GON4L: variants seen among roughly 807,000 people sequenced by gnomAD.
The protein encoded by GON4L is GON-4-like protein.
Under a neutral mutation model 211.8 loss-of-function variants are expected in GON4L, and 87 were observed. The ratio of observed to expected loss-of-function variants is 0.41; its 90% confidence interval spans 0.35 to 0.49. The LOEUF is 0.49. Ranked by LOEUF, GON4L falls within the 20% of genes least tolerant of loss-of-function variation. The pLI, the probability that GON4L is intolerant of heterozygous loss-of-function variation, is 0.15. For synonymous variants in GON4L, 875 were observed against 962.6 expected (o/e 0.91, Z 1.68); for missense variants, 2,155 against 2,659.5 (o/e 0.81, Z 4.17).
intron 11 of GON4L, among the ~76,000 whole-genome samples, chr1:155,804,401 A>G (rs779820427): frequency 1.8e-4 from 27 of 152,006 alleles, no homozygotes; most frequent in Non-Finnish European, 3.5e-4. Context: ...GACAACAACA[A>G]AACTACATGT....
At position 155,765,662 on chromosome 1, in the gene GON4L, G is replaced by A; in HGVS notation, c.3811C>T (p.Pro1271Ser). The change falls in exon 21 of 32, where the codon CCT becomes TCT. Residue 1271 changes from proline (P) to serine (S), a missense_variant. Physicochemically the swap from Pro to Ser is moderately conservative, Grantham distance 74. Coordinates refer to ENST00000368331, the MANE Select transcript of GON4L (RefSeq NM_001282860.2). ...TGGCACTCTGCATCTGCTAGTGGAG[G>A]CCCTGGGCTATGTTCCACTTTCGGG... ...VFPKVEHSPG[P>S]PLADAECQEG... 1.2e-6 allele frequency: 2 copies of A among 1,614,156 alleles called. No individual in the cohort carries two copies. The highest frequency in any genetic ancestry group is 1.7e-5 in the Admixed American group (1 of 60,016).
At chr1:155,783,932 T>C in intron 14 of GON4L, 54 bp downstream of exon 14, 4 of 1,608,784 alleles carry the variant, frequency 2.5e-6, no homozygotes, top group Non-Finnish European at 3.4e-6. Context: ...TGAAAACCTT[T>C]TCAGAAATAA....
At chr1:155,856,586 T>A (rs1184310247) in intron 1 of GON4L, among the ~76,000 whole-genome samples, 1 of 151,370 alleles carries the variant, frequency 6.6e-6, no homozygotes, top group African/African-American at 2.4e-5. Flanking sequence ...TTAGGGGAGA[T>A]TCTCCATCCC....
intron 23 of GON4L, among the ~76,000 whole-genome samples, chr1:155,761,646 C>T (rs554249322): frequency 3.0e-4 from 46 of 152,024 alleles, no homozygotes; most frequent in Middle Eastern, 3.4e-3. Context: ...CAGGCGCCCA[C>T]CACCACACCC....
At position 155,762,183 on chromosome 1, in the gene GON4L, T is replaced by C. The variant is rs778427152; in HGVS notation, c.4911+7A>G. 19 of 1,599,870 alleles carry C rather than the reference T, an allele frequency of 1.2e-5. No individual in the cohort carries two copies. Among genetic ancestry groups the C allele is most frequent in the Non-Finnish European group, 1.6e-5 (19 of 1,172,560 alleles). On this transcript the variant is annotated splice_region_variant and intron_variant, in intron 23 of 31. Transcript: ENST00000368331. ...ACTGGCAATAACAGGAAGCAGCATT[T>C]GCCTACCCTGGTCAGATAAGCTTGG...
chr1:155,762,999 G>A (rs1661998200), intron 22 of GON4L, among the ~76,000 whole-genome samples: 1 of 151,274 alleles, frequency 6.6e-6, no homozygotes, highest in African/African-American at 2.4e-5. Flanking sequence ...TCGCACCACT[G>A]CACTCCAGCC....
In GON4L at chr1:155,766,389, T is replaced by C. The variant is rs762667695; in HGVS notation, c.3084A>G (p.Ser1028=). ...GCACCATTTTGCTCGGAGGGGCTTC[T>C]GAATGAGTTGATCGGGCTGGTGTTT... ...PGKTPARSTH[S]EAPPSKMVLR... Residue 1028 remains serine (S), a synonymous_variant, in exon 21 of 32, where the codon TCA becomes TCG. Coordinates refer to ENST00000368331, the MANE Select transcript of GON4L (RefSeq NM_001282860.2). 1.2e-6 allele frequency: 2 copies of C among 1,614,174 alleles called. No individual in the cohort carries two copies. The highest frequency in any genetic ancestry group is 1.7e-5 in the Admixed American group (1 of 60,020).
At chr1:155,792,277 T>C (rs1181140206) in intron 12 of GON4L, among the ~76,000 whole-genome samples, 1 of 152,046 alleles carries the variant, frequency 6.6e-6, no homozygotes, top group Non-Finnish European at 1.5e-5. Flanking sequence ...TAAGGATAAG[T>C]CCTTTTAAAG....
chr1:155,776,078 A>G (rs1012035989), intron 16 of GON4L, among the ~76,000 whole-genome samples: 3 of 152,144 alleles, frequency 2.0e-5, no homozygotes, highest in African/African-American at 7.2e-5. Flanking sequence ...CACCGTGCCC[A>G]GTCTCAACAT....
At chr1:155,773,479 A>C in intron 17 of GON4L, 1 of 465,072 alleles carries the variant, frequency 2.2e-6, no homozygotes. Flanking sequence ...CTTAAAAAGC[A>C]CCTAGTAAAA....
chr1:155,811,252 G>A (rs539660081), intron 10 of GON4L, among the ~76,000 whole-genome samples: 2 of 151,016 alleles, frequency 1.3e-5, no homozygotes, highest in African/African-American at 2.4e-5. Flanking sequence ...AATTAGCCGC[G>A]CATGGTGCGG....
chr1:155,760,786 G>T, intron 23 of GON4L, 145 bp from the exon 24 acceptor site: 1 of 612,932 alleles, frequency 1.6e-6, no homozygotes. Flanking sequence ...CTTAACATCT[G>T]ACTGTTAATG....
At chr1:155,802,491 C>A (rs368682601) in intron 11 of GON4L, among the ~76,000 whole-genome samples, 112 of 152,262 alleles carry the variant, frequency 7.4e-4, no homozygotes, top group African/African-American at 2.6e-3. Context: ...TTCTCTCTTC[C>A]CTGTCACTGT....
intron 11 of GON4L, among the ~76,000 whole-genome samples, chr1:155,801,972 C>T (rs1052815594): frequency 1.3e-4 from 19 of 149,304 alleles, no homozygotes; most frequent in African/African-American, 4.7e-4. Context: ...CTTGGCTTCC[C>T]ATAGTACTGG....
chr1:155,849,681 G>A (rs1192249739), intron 2 of GON4L, among the ~76,000 whole-genome samples: 4 of 149,552 alleles, frequency 2.7e-5, no homozygotes, highest in African/African-American at 9.8e-5. Context: ...GGCTACGGCA[G>A]GAGAATTGCT....
chr1:155,841,126 C>A (rs1459841178), intron 2 of GON4L, among the ~76,000 whole-genome samples: 2 of 152,202 alleles, frequency 1.3e-5, no homozygotes, highest in Non-Finnish European at 2.9e-5. Flanking sequence ...ATAACTTATT[C>A]TATGCCTTGA....
chr1:155,773,349 C>T, intron 17 of GON4L, 139 bp from the exon 18 acceptor site: 1 of 875,778 alleles, frequency 1.1e-6, no homozygotes, highest in Non-Finnish European at 1.8e-6. Context: ...ACCATCCCCC[C>T]AAAAGTTTCC....
chr1:155,799,605 C>T (rs1666433642), intron 11 of GON4L, among the ~76,000 whole-genome samples: 1 of 152,212 alleles, frequency 6.6e-6, no homozygotes, highest in East Asian at 1.9e-4. Context: ...AGACCATACT[C>T]ATTAGATTCT....
intron 3 of GON4L, 146 bp from the exon 4 acceptor site, chr1:155,822,622 G>C: frequency 1.4e-6 from 1 of 689,926 alleles, no homozygotes; most frequent in Non-Finnish European, 2.6e-6. Context: ...TTATATGACG[G>C]TATAACAAGT....
Sources: allele counts gnomAD v4.1 joint callset (sites outside exome capture counted in the v4.1 genomes callset), GRCh38; gene constraint gnomAD v4.1.1; transcripts MANE v1.5; gene names NCBI Gene and HGNC (gene_info 2026-07-23, HGNC 2026-07-21).